PDE3A: variants seen among roughly 807,000 people sequenced by gnomAD.
PDE3A encodes phosphodiesterase 3A.
A neutral mutation model predicts 98.3 loss-of-function variants in PDE3A; 43 were observed. That is an observed-to-expected ratio of 0.44 (90% CI 0.34 to 0.56). The LOEUF (loss-of-function observed/expected upper bound fraction) is 0.56, where lower values mean the gene tolerates loss of function less well. PDE3A is among the 20% of genes least tolerant of loss of function. PDE3A has a pLI of 0.01. For synonymous variants in PDE3A, 663 were observed against 567.9 expected (o/e 1.17, Z -2.38); for missense variants, 1,427 against 1,440.7 (o/e 0.99, Z 0.15).
chr12:20,369,597 C>G lies in PDE3A; in HGVS notation c.313C>G (p.Pro105Ala). ...GGCGGCGGAGGAGGAGGAAGCAGCC[C>G]CGGGAGCAGAAGGGGGCGTCTTCCC... ...AAAAEEEEAAPGAEGGVFPGP... is the reference protein window; with the variant it reads ...AAAAEEEEAAAGAEGGVFPGP... The change falls in exon 1 of 16, where the codon CCG (proline) becomes GCG (alanine). Residue 105 changes from proline to alanine, a missense_variant. Coordinates refer to ENST00000359062, the MANE Select transcript of PDE3A (RefSeq NM_000921.5). 6.4e-7 allele frequency: 1 copy of G among 1,564,942 alleles called. No homozygotes were observed. The highest frequency in any genetic ancestry group is 8.7e-7 in the Non-Finnish European group (1 of 1,155,948).
intron 15 of PDE3A, among the ~76,000 whole-genome samples, chr12:20,670,664 C>T (rs1279990136): frequency 6.8e-6 from 1 of 147,062 alleles, no homozygotes; most frequent in Non-Finnish European, 1.5e-5. Context: ...AACAAAGACA[C>T]AACATACCAG....
intron 1 of PDE3A, among the ~76,000 whole-genome samples, chr12:20,381,552 C>A (rs1321565719): frequency 1.3e-5 from 2 of 151,850 alleles, no homozygotes; most frequent in Non-Finnish European, 2.9e-5. Flanking sequence ...GCCTCAAGGT[C>A]TGTCATTAGA....
At chr12:20,472,748 C>T (rs933122509) in intron 1 of PDE3A, among the ~76,000 whole-genome samples, 5 of 152,088 alleles carry the variant, frequency 3.3e-5, no homozygotes, top group Admixed American at 2.0e-4. Flanking sequence ...AACTTTTAAT[C>T]TCATTTTGGG....
Position 20,369,289 on chromosome 12 carries a change from C to T in PDE3A, c.5C>T (p.Ala2Val), listed in dbSNP as rs986781737. Residue 2 changes from alanine to valine, a missense_variant, in exon 1 of 16, where the codon GCA becomes GTA. Coordinates refer to ENST00000359062, the MANE Select transcript of PDE3A (RefSeq NM_000921.5). Reference protein sequence around the residue: MAVPGDAARVRD... With the variant: MVVPGDAARVRD... Reference sequence around the variant, plus strand: ...GTGAAGAGGGCACCCTATACCATGGCAGTGCCCGGCGACGCTGCACGAGTC... The same window carrying T: ...GTGAAGAGGGCACCCTATACCATGGTAGTGCCCGGCGACGCTGCACGAGTC... The T allele has an allele frequency of 9.9e-6, 15 of 1,515,362 alleles. No homozygotes were observed. The highest frequency in any genetic ancestry group is 8.3e-5 in the Admixed American group (4 of 48,284). 93.9% of individuals were successfully genotyped at this position (1,515,362 alleles called of 1,614,324 possible).
At chr12:20,416,062 GTTTTATTTAGAA>G (rs1399952810) in intron 1 of PDE3A, among the ~76,000 whole-genome samples, 2 of 152,134 alleles carry the variant, frequency 1.3e-5, no homozygotes, top group Admixed American at 6.5e-5. Context: ...TCCCATCACT[GTTTTATTTAGAA>G]ATACAAAATC....
At chr12:20,450,062 G>T in intron 1 of PDE3A, 1 of 586,766 alleles carries the variant, frequency 1.7e-6, no homozygotes, top group Non-Finnish European at 3.1e-6. Context: ...ATTTCTTCAA[G>T]CTCCTTCATC....
At chr12:20,525,477 G>A (rs7487860) in intron 1 of PDE3A, among the ~76,000 whole-genome samples, 30,369 of 144,948 alleles carry the variant, frequency 0.21, 3,323 homozygotes, top group South Asian at 0.26. Flanking sequence ...TGGGGGGGGG[G>A]GCTTTTGACA....
At chr12:20,611,221 A>G (rs1328047162) in intron 2 of PDE3A, among the ~76,000 whole-genome samples, 1 of 62,030 alleles carries the variant, frequency 1.6e-5, no homozygotes, top group Non-Finnish European at 3.3e-5. Flanking sequence ...AGCTCAGAAA[A>G]ATAAAATTAA....
chr12:20,389,330 T>G (rs1000752768), intron 1 of PDE3A, among the ~76,000 whole-genome samples: 1 of 151,992 alleles, frequency 6.6e-6, no homozygotes, highest in African/African-American at 2.4e-5. Flanking sequence ...TCCATAAAAC[T>G]AGAGGTTATC....
intron 1 of PDE3A, among the ~76,000 whole-genome samples, chr12:20,457,540 A>G (rs1945173446): frequency 6.6e-6 from 1 of 151,764 alleles, no homozygotes; most frequent in Admixed American, 6.6e-5. Flanking sequence ...GTAATTCTAT[A>G]TACACACACA....
At chr12:20,595,436 T>C (rs1943442504) in intron 2 of PDE3A, among the ~76,000 whole-genome samples, 1 of 152,288 alleles carries the variant, frequency 6.6e-6, no homozygotes, top group Non-Finnish European at 1.5e-5. Context: ...CCACTGCATA[T>C]GCTTTGAAGA....
At chr12:20,452,949 C>T (rs904734504) in intron 1 of PDE3A, among the ~76,000 whole-genome samples, 1 of 152,188 alleles carries the variant, frequency 6.6e-6, no homozygotes, top group Non-Finnish European at 1.5e-5. Flanking sequence ...GCTAATTCTT[C>T]TTGCAGTACT....
Position 20,557,875 on chromosome 12 carries a change from C to T in PDE3A, c.1011+1165C>T, listed in dbSNP as rs1196102571. The stretch of plus-strand genomic sequence containing the variant: ...TCTCTGAAAACTCTTCCTCTGTACA[C>T]ATCTATAAAATTTTAAATCAAAATT... On this transcript the variant is annotated intron_variant, in intron 2 of 15. Transcript: ENST00000359062. Among the ~76,000 whole-genome samples the T allele has an allele frequency of 2.0e-5, 3 of 152,056 alleles. No individual in the cohort carries two copies. In the East Asian group the frequency reaches 5.8e-4, roughly 29 times the overall value.
Position 20,386,161 on chromosome 12 carries a change from AT to A in PDE3A, c.960+15918del, listed in dbSNP as rs1475417563. 4.7e-4 allele frequency among the ~76,000 whole-genome samples: 47 copies of A among 99,716 alleles called. 2 individuals carry two copies. In the South Asian group the frequency reaches 7.0e-3, roughly 15 times the overall value. The allele number at this position is 99,716 out of a possible 152,430, so 65.4% of individuals were successfully genotyped here. A position where few individuals can be genotyped will look rare whatever the true frequency, so the allele number is the denominator to read the frequency against. On this transcript the variant is annotated intron_variant, in intron 1 of 15. Coordinates refer to ENST00000359062, the MANE Select transcript of PDE3A (RefSeq NM_000921.5). ...TATATAAATATATATATAAATATATATAAATATATAAAAATATATATAAATA... is the reference window on the plus strand; with the variant it reads ...TATATAAATATATATATAAATATATAAAATATATAAAAATATATATAAATA...
At chr12:20,647,431 AT>A (rs11291561) in intron 12 of PDE3A, among the ~76,000 whole-genome samples, 101,824 of 151,832 alleles carry the variant, frequency 0.67, 34,327 homozygotes, top group East Asian at 0.86. Context: ...AGGATTTTTT[AT>A]TTTTTTTGCC....
At chr12:20,413,842 T>C (rs1053337979) in intron 1 of PDE3A, among the ~76,000 whole-genome samples, 1 of 152,022 alleles carries the variant, frequency 6.6e-6, no homozygotes, top group Non-Finnish European at 1.5e-5. Flanking sequence ...GCCAGGACAG[T>C]GGAGGAGAGC....
chr12:20,574,895 A>C (rs897773709), intron 2 of PDE3A, among the ~76,000 whole-genome samples: 2 of 152,064 alleles, frequency 1.3e-5, no homozygotes, highest in African/African-American at 4.8e-5. Context: ...CTATTCTACC[A>C]AAATGATTGT....
In PDE3A at chr12:20,368,617, C is replaced by A. The variant is rs1412821265; in HGVS notation, c.-668C>A. Among the ~76,000 whole-genome samples the A allele has an allele frequency of 3.3e-5, 5 of 150,492 alleles. No homozygotes were observed. The highest frequency in any genetic ancestry group is 7.4e-5 in the Non-Finnish European group (5 of 67,568). ...CAGCCCCTTGTCCATTTTTTTTTTT[C>A]CATCCTTTGCCATGAATTGGATTGA... On this transcript the variant is annotated 5_prime_UTR_variant, in exon 1 of 16. Transcript: ENST00000359062.
intron 1 of PDE3A, among the ~76,000 whole-genome samples, chr12:20,389,071 G>C (rs1943866446): frequency 6.6e-6 from 1 of 152,010 alleles, no homozygotes; most frequent in Non-Finnish European, 1.5e-5. Context: ...GATAGAATCA[G>C]AGAATGTAAA....
Sources: allele counts gnomAD v4.1 joint callset (sites outside exome capture counted in the v4.1 genomes callset), GRCh38; gene constraint gnomAD v4.1.1; transcripts MANE v1.5; gene names NCBI Gene and HGNC (gene_info 2026-07-23, HGNC 2026-07-21).